Variants in LINGO2 observed in about 807,000 individuals in gnomAD.
LINGO2 encodes leucine-rich repeat and immunoglobulin-like domain-containing nogo receptor-interacting protein 2.
In LINGO2, 14 loss-of-function variants were observed where a neutral mutation model predicts 30.6. The ratio of observed to expected loss-of-function variants is 0.46; its 90% CI spans 0.30 to 0.72. The LOEUF (loss-of-function observed/expected upper bound fraction) is 0.72, where lower values mean the gene tolerates loss of function less well. Ranked by LOEUF, LINGO2 falls within the 30% of genes least tolerant of loss-of-function variation. LINGO2 has a pLI of 0.07. For synonymous variants in LINGO2, 317 were observed against 288.5 expected (o/e 1.10, Z -1.00); for missense variants, 729 against 751.7 (o/e 0.97, Z 0.35).
At chr9:28,041,329 G>A (rs1316069828) in intron 4 of LINGO2, among the ~76,000 whole-genome samples, 1 of 152,194 alleles carries the variant, frequency 6.6e-6, no homozygotes, top group African/African-American at 2.4e-5. Flanking sequence ...CAGTGCAGTA[G>A]ATAGACTGGC....
chr9:28,609,261 A>C (rs894468341), intron 1 of LINGO2, among the ~76,000 whole-genome samples: 4 of 151,890 alleles, frequency 2.6e-5, no homozygotes, highest in Non-Finnish European at 4.4e-5. Flanking sequence ...AGGATGCAAA[A>C]TATATCATTA....
the LINGO2 span, among the ~76,000 whole-genome samples, chr9:28,781,274 G>A: frequency 5.2e-4 from 79 of 152,082 alleles, no homozygotes; most frequent in African/African-American, 1.9e-3. Flanking sequence ...GCAGCCAGAT[G>A]CCGGGCTCTT....
At chr9:28,608,364 T>G (rs1825779608) in intron 1 of LINGO2, among the ~76,000 whole-genome samples, 2 of 152,012 alleles carry the variant, frequency 1.3e-5, no homozygotes, top group African/African-American at 4.8e-5. Context: ...ATGAAGAGTT[T>G]GAACTTAAGA....
intron 1 of LINGO2, among the ~76,000 whole-genome samples, chr9:28,636,303 T>C (rs1410996629): frequency 6.6e-6 from 1 of 152,232 alleles, no homozygotes; most frequent in Admixed American, 6.5e-5. Context: ...TATGTCTTTA[T>C]AGCAGCATGT....
the LINGO2 span, among the ~76,000 whole-genome samples, chr9:29,118,060 A>T: frequency 1.3e-5 from 2 of 152,178 alleles, no homozygotes; most frequent in African/African-American, 4.8e-5. Flanking sequence ...TTGTTGACCA[A>T]GATCTCCATG....
chr9:28,838,894 C>A, the LINGO2 span, among the ~76,000 whole-genome samples: 5 of 152,192 alleles, frequency 3.3e-5, no homozygotes, highest in African/African-American at 4.8e-5. Flanking sequence ...TGGGACCCAG[C>A]CACTGTACAC....
At chr9:28,318,620 G>A (rs564547710) in intron 3 of LINGO2, among the ~76,000 whole-genome samples, 4 of 152,186 alleles carry the variant, frequency 2.6e-5, no homozygotes, top group Admixed American at 6.5e-5. Flanking sequence ...TAGAAAATGA[G>A]CTCCAAAGGA....
chr9:28,956,471 G>A, the LINGO2 span, among the ~76,000 whole-genome samples: 1 of 152,110 alleles, frequency 6.6e-6, no homozygotes, highest in South Asian at 2.1e-4. Context: ...AAAGTGAAGT[G>A]CGGGAATCAC....
intron 4 of LINGO2, among the ~76,000 whole-genome samples, chr9:28,189,043 A>G (rs985009539): frequency 2.6e-4 from 22 of 85,606 alleles, no homozygotes; most frequent in Middle Eastern, 6.2e-3. Flanking sequence ...CAGCTGTTGG[A>G]GGATATATCC....
intron 1 of LINGO2, among the ~76,000 whole-genome samples, chr9:28,616,902 A>C (rs941555800): frequency 2.6e-5 from 4 of 152,340 alleles, no homozygotes; most frequent in African/African-American, 9.6e-5. Flanking sequence ...AGACTCTTTC[A>C]TCACAACTAT....
At chr9:28,829,034 T>C in the LINGO2 span, among the ~76,000 whole-genome samples, 6 of 151,998 alleles carry the variant, frequency 3.9e-5, no homozygotes, top group Non-Finnish European at 8.8e-5. Context: ...AAACCACCCA[T>C]GGCCCGTCCC....
chr9:28,843,888 G>A, the LINGO2 span, among the ~76,000 whole-genome samples: 10 of 151,688 alleles, frequency 6.6e-5, 1 homozygote, highest in African/African-American at 2.4e-4. Context: ...CAAATTATTG[G>A]CTCTACTTCT....
chr9:28,743,694 A>G, the LINGO2 span, among the ~76,000 whole-genome samples: 1 of 151,938 alleles, frequency 6.6e-6, no homozygotes, highest in South Asian at 2.1e-4. Flanking sequence ...CCTCTATGGG[A>G]TGAGTAGTTT....
chr9:29,080,004 T>C, the LINGO2 span, among the ~76,000 whole-genome samples: 4 of 152,060 alleles, frequency 2.6e-5, no homozygotes, highest in African/African-American at 9.7e-5. Flanking sequence ...TGTAAGAAAC[T>C]ATGATGGAGT....
intron 4 of LINGO2, among the ~76,000 whole-genome samples, chr9:28,204,447 A>G (rs1443575440): frequency 6.6e-6 from 1 of 152,014 alleles, no homozygotes; most frequent in Non-Finnish European, 1.5e-5. Flanking sequence ...ATATTTTTCT[A>G]TTTTGTATTA....
At chr9:28,616,807 A>T (rs1222890531) in intron 1 of LINGO2, among the ~76,000 whole-genome samples, 1 of 152,200 alleles carries the variant, frequency 6.6e-6, no homozygotes, top group African/African-American at 2.4e-5. Flanking sequence ...ATTTTTTCCA[A>T]TGTAGTGTGA....
chr9:28,584,390 GC>G (rs1225785728), intron 1 of LINGO2, among the ~76,000 whole-genome samples: 1 of 151,910 alleles, frequency 6.6e-6, no homozygotes, highest in East Asian at 1.9e-4. Flanking sequence ...AAACAAAAAT[GC>G]CCCCCAAATT....
the LINGO2 span, among the ~76,000 whole-genome samples, chr9:29,033,330 T>C: frequency 7.3e-5 from 11 of 150,430 alleles, no homozygotes; most frequent in Admixed American, 2.0e-4. Context: ...GAAAAGTTTC[T>C]GGTTTGGATT....
At chr9:28,952,476 G>A in the LINGO2 span, among the ~76,000 whole-genome samples, 1 of 152,048 alleles carries the variant, frequency 6.6e-6, no homozygotes, top group African/African-American at 2.4e-5. Context: ...TCATCTTCCA[G>A]AGCTAAAATT....
Sources: gnomAD v4.1 joint callset for allele counts (sites outside exome capture counted in the v4.1 genomes callset) on GRCh38, gnomAD v4.1.1 for gene constraint, MANE v1.5 for transcripts, NCBI Gene and HGNC (gene_info 2026-07-23, HGNC 2026-07-21) for gene names.